Variants in MCMBP observed in about 807,000 individuals in gnomAD.
The protein encoded by MCMBP is minichromosome maintenance complex binding protein.
MCMBP carries 31 observed loss-of-function variants against 81.3 expected under a neutral mutation model. That is an observed-to-expected ratio of 0.38 (90% CI 0.29 to 0.51). The LOEUF (loss-of-function observed/expected upper bound fraction) is 0.51, where lower values mean the gene tolerates loss of function less well. MCMBP is among the 20% of genes least tolerant of loss of function. The probability of loss-of-function intolerance (pLI) is 0.87; values close to 1 mark genes in which losing one functional copy is unlikely to be tolerated. For synonymous variants in MCMBP, 267 were observed against 275.9 expected (o/e 0.97, Z 0.32); for missense variants, 645 against 772.1 (o/e 0.84, Z 1.95).
Position 119,838,772 on chromosome 10 carries a change from A to T in MCMBP, c.1243-72T>A, listed in dbSNP as rs970943835. 13 of 1,349,516 alleles carry T rather than the reference A, an allele frequency of 9.6e-6. No individual in the cohort carries two copies. In the African/African-American group the frequency reaches 1.9e-4, roughly 19 times the overall value. The allele number at this position is 1,349,516 out of a possible 1,614,324, so 83.6% of individuals were successfully genotyped here. A position where few individuals can be genotyped will look rare whatever the true frequency, so the allele number is the denominator to read the frequency against. On this transcript the variant is annotated intron_variant, in intron 11 of 15. Transcript: ENST00000369077. ...TTTAAGAAAATATGTACTTGGAATT[A>T]AACATTGTGTTTCATATGGAAAAAG... is the stretch of plus-strand genomic sequence containing the variant.
chr10:119,835,326 A>C (rs1019796998), intron 14 of MCMBP, among the ~76,000 whole-genome samples: 8 of 152,254 alleles, frequency 5.3e-5, no homozygotes, highest in African/African-American at 1.9e-4. Context: ...ACAACTACTA[A>C]GAAAATAACT....
intron 9 of MCMBP, chr10:119,842,802 T>A (rs551031756): frequency 1.7e-5 from 8 of 479,572 alleles, no homozygotes; most frequent in African/African-American, 1.6e-4. Flanking sequence ...TTTGCTCTTT[T>A]TGCCTAGCCT....
chr10:119,837,748 A>C (rs572342449), intron 12 of MCMBP, among the ~76,000 whole-genome samples: 1 of 152,018 alleles, frequency 6.6e-6, no homozygotes. Flanking sequence ...TGGCCACTGC[A>C]CTCCAGCCTG....
chr10:119,836,756 A>ATTTTTT (rs1852257105), intron 13 of MCMBP, 140 bp downstream of exon 13: 1 of 581,194 alleles, frequency 1.7e-6, no homozygotes, highest in Admixed American at 3.5e-5. Context: ...CAGCAGTCAC[A>ATTTTTT]GTTTTTTTTT....
At chr10:119,865,676 T>C (rs1386932157) in intron 1 of MCMBP, among the ~76,000 whole-genome samples, 2 of 152,184 alleles carry the variant, frequency 1.3e-5, no homozygotes, top group African/African-American at 4.8e-5. Context: ...ATGTTTATAG[T>C]AGCAGTATTT....
At chr10:119,873,304 T>C (rs1273602973), upstream of MCMBP, 1 of 152,140 alleles carries the variant, frequency 6.6e-6, no homozygotes, top group East Asian at 1.9e-4. Context: ...CCCTGAGTGG[T>C]GACTTTTCCC....
chr10:119,846,491 G>T (rs1036178828), intron 8 of MCMBP, among the ~76,000 whole-genome samples: 3 of 152,142 alleles, frequency 2.0e-5, no homozygotes, highest in Non-Finnish European at 4.4e-5. Flanking sequence ...TGAGAAACTG[G>T]ATATTTATGT....
chr10:119,836,829 G>A, intron 13 of MCMBP, 67 bp downstream of exon 13: 8 of 732,338 alleles, frequency 1.1e-5, no homozygotes, highest in African/African-American at 2.3e-5. Context: ...GCGGTACCAA[G>A]AAACAGCAAA....
chr10:119,843,127 A>T, intron 9 of MCMBP, 127 bp downstream of exon 9: 1 of 1,027,860 alleles, frequency 9.7e-7, no homozygotes, highest in Non-Finnish European at 1.5e-6. Context: ...GAGAGAGATT[A>T]CTGAAAACAC....
At chr10:119,865,375 T>C (rs1196636118) in intron 1 of MCMBP, among the ~76,000 whole-genome samples, 2 of 152,164 alleles carry the variant, frequency 1.3e-5, no homozygotes, top group African/African-American at 4.8e-5. Flanking sequence ...GCAGATTACC[T>C]GAGATCAGTA....
At chr10:119,866,754 AT>A (rs1314048639) in intron 1 of MCMBP, among the ~76,000 whole-genome samples, 17 of 152,184 alleles carry the variant, frequency 1.1e-4, no homozygotes, top group African/African-American at 3.6e-4. Context: ...AAGAAAAAAA[AT>A]TTTTTTGGAC....
rs776786693 is a variant in MCMBP, at chr10:119,853,054, T to C, written c.570A>G (p.Gln190=). 5.6e-6 allele frequency: 9 copies of C among 1,614,144 alleles called. No homozygotes were observed. The highest frequency in any genetic ancestry group is 2.2e-5 in the East Asian group (1 of 44,872). The change falls in exon 6 of 16, where the codon CAA becomes CAG. Residue 190 remains glutamine (Q), a synonymous_variant. Transcript: ENST00000369077. ...AAACCTGTTGGCACACACTACCTGC[T>C]TGTCTGGCACCTGCATGTTGGTCTT... ...KQKDQHAGAR[Q]AGSVGGLQWC...
At position 119,831,322 on chromosome 10, in the gene MCMBP, T is replaced by C; in HGVS notation, c.*152A>G. ...AGGTAAAAGTCCTTACTGAATATCA[T>C]ATAAACATCAGGTGTTACCAGGCTT... On this transcript the variant is annotated 3_prime_UTR_variant, in exon 16 of 16. Transcript: ENST00000369077. 1 of 772,404 alleles carries C rather than the reference T, an allele frequency of 1.3e-6. No homozygotes were observed. Among genetic ancestry groups the C allele is most frequent in the Non-Finnish European group, 2.0e-6 (1 of 503,554 alleles). 47.8% of individuals were successfully genotyped at this position (772,404 alleles called of 1,614,324 possible). A position where few individuals can be genotyped will look rare whatever the true frequency, so the allele number is the denominator to read the frequency against.
intron 6 of MCMBP, among the ~76,000 whole-genome samples, chr10:119,850,852 G>A (rs1348226114): frequency 6.7e-6 from 1 of 149,530 alleles, no homozygotes; most frequent in Non-Finnish European, 1.5e-5. Flanking sequence ...GGGAAGTAGA[G>A]GCTAAAAGGT....
Position 119,865,568 on chromosome 10 carries a change from G to C in MCMBP, c.59-5684C>G, listed in dbSNP as rs75288303. Among the ~76,000 whole-genome samples, 802 of 152,174 alleles carry C rather than the reference G, an allele frequency of 5.3e-3. 7 individuals carry two copies. Among genetic ancestry groups the C allele is most frequent in the Admixed American group, 0.014 (208 of 15,284 alleles). On this transcript the variant is annotated intron_variant, in intron 1 of 15. Coordinates refer to ENST00000369077, the MANE Select transcript of MCMBP (RefSeq NM_001256378.2). Reference sequence around the variant, plus strand: ...GAAAAGTTTGGCAATTCCTCAAAAAGTTAAATATAAAATTATCATATGACC... The same window carrying C: ...GAAAAGTTTGGCAATTCCTCAAAAACTTAAATATAAAATTATCATATGACC...
Position 119,853,199 on chromosome 10 carries a change from A to T in MCMBP, c.430-5T>A. 1 of 1,611,196 alleles carries T rather than the reference A, an allele frequency of 6.2e-7. No individual in the cohort carries two copies. On this transcript the variant is annotated splice_region_variant and splice_polypyrimidine_tract_variant and intron_variant, in intron 5 of 15. Coordinates refer to ENST00000369077, the MANE Select transcript of MCMBP (RefSeq NM_001256378.2). Reference sequence around the variant, plus strand: ...TTGGTTTGCATTAACATAGGCGTTAAACGAAAAGTTAAGAAAAGACTATCA... The same window carrying T: ...TTGGTTTGCATTAACATAGGCGTTATACGAAAAGTTAAGAAAAGACTATCA...
In MCMBP at chr10:119,843,330, A is replaced by G. The variant is rs747183402; in HGVS notation, c.924T>C (p.His308=). 7.4e-6 allele frequency: 12 copies of G among 1,614,090 alleles called. No individual in the cohort carries two copies. Among genetic ancestry groups the G allele is most frequent in the South Asian group, 5.5e-5 (5 of 91,084 alleles). The change falls in exon 9 of 16, where the codon CAT becomes CAC. Residue 308 remains histidine, a synonymous_variant. Coordinates refer to ENST00000369077, the MANE Select transcript of MCMBP (RefSeq NM_001256378.2). The part of the protein sequence containing the change: ...SPPASLVPRI[H]VILAQKLQHI... ...GTTGCAACTTCTGGGCTAAGATCACATGAATTCTCGGCACTAATGAAGCAG... is the reference window on the plus strand; with the variant it reads ...GTTGCAACTTCTGGGCTAAGATCACGTGAATTCTCGGCACTAATGAAGCAG...
chr10:119,854,098 T>G (rs1394320657), intron 5 of MCMBP, among the ~76,000 whole-genome samples: 2 of 150,730 alleles, frequency 1.3e-5, no homozygotes, highest in Non-Finnish European at 3.0e-5. Flanking sequence ...TGGAGTGCAG[T>G]GGTACAATTT....
chr10:119,872,505 GC>G (rs1175554203), intron 1 of MCMBP, 21 bp downstream of exon 1: 27 of 996,444 alleles, frequency 2.7e-5, no homozygotes, highest in East Asian at 2.1e-4. Flanking sequence ...CGCCCGGCCC[GC>G]CCCCCGGCGC....
Sources: allele counts gnomAD v4.1 joint callset (sites outside exome capture counted in the v4.1 genomes callset), GRCh38; gene constraint gnomAD v4.1.1; transcripts MANE v1.5; gene names NCBI Gene and HGNC (gene_info 2026-07-23, HGNC 2026-07-21).